Variants in RASAL1 observed in about 807,000 individuals in gnomAD.
RASAL1 encodes RAS protein activator like 1.
RASAL1 carries 72 observed loss-of-function variants against 96.6 expected under a neutral mutation model. That is an observed-to-expected ratio of 0.75 (90% CI 0.62 to 0.91). RASAL1 has a LOEUF of 0.91. RASAL1 is among the 40% of genes least tolerant of loss of function. The probability of loss-of-function intolerance (pLI) is 0.00; values close to 1 mark genes in which losing one functional copy is unlikely to be tolerated. For synonymous variants in RASAL1, 405 were observed against 430.4 expected, an observed-to-expected ratio of 0.94 and a Z score of 0.73; for missense variants, 1,016 against 1,072.5, an observed-to-expected ratio of 0.95 and a Z score of 0.74.
chr12:113,135,166 C>T lies in RASAL1; in HGVS notation c.65+232G>A, dbSNP rs935226421. Among the ~76,000 whole-genome samples, 10 of 152,178 alleles carry T rather than the reference C, an allele frequency of 6.6e-5. No individual in the cohort carries two copies. Among genetic ancestry groups the T allele is most frequent in the African/African-American group, 2.4e-4 (10 of 41,450 alleles). ...ATCCCGGGAACAAAGACACCCCCTC[C>T]CCTGCCCGGGGGTGAGGCGGGGCAT... On this transcript the variant is annotated intron_variant, in intron 1 of 20. Coordinates refer to ENST00000548055, the MANE Select transcript of RASAL1 (RefSeq NM_001301202.2). This position sits in a 1 kb window ranked among gnomAD's most constrained non-coding sequence, Gnocchi z 5.7.
intron 1 of RASAL1, among the ~76,000 whole-genome samples, chr12:113,132,742 C>T (rs1014518846): frequency 2.3e-4 from 35 of 152,280 alleles, no homozygotes; most frequent in African/African-American, 7.7e-4. Flanking sequence ...CTCCTTCCCT[C>T]ATCCCCCTCT....
chr12:113,128,015 C>A (rs951794869), intron 3 of RASAL1, 50 bp downstream of exon 3: 1 of 1,588,328 alleles, frequency 6.3e-7, no homozygotes, highest in African/African-American at 1.3e-5. Flanking sequence ...CCCTCAGGTG[C>A]CCAGGCTTGG....
In RASAL1 at chr12:113,112,096, G is replaced by A; in HGVS notation, c.1364C>T (p.Ala455Val). ...CCCATCCTGGCGCACCTGGTGCTCG[G>A]CCTGGGGGAAGCGCTCCTCCACTCG... The part of the protein sequence containing the change: ...HRRVEERFPQ[A>V]EHQDVKYLAI... The change falls in exon 13 of 21, where the codon GCC (alanine) becomes GTC (valine). Residue 455 changes from alanine to valine, a missense_variant. Ala to Val is a moderately conservative substitution (Grantham distance 64). Transcript: ENST00000548055. 1.6e-6 allele frequency: 2 copies of A among 1,242,260 alleles called. No individual in the cohort carries two copies. Among genetic ancestry groups the A allele is most frequent in the Non-Finnish European group, 1.0e-6 (1 of 989,764 alleles). 77.0% of individuals were successfully genotyped at this position (1,242,260 alleles called of 1,614,324 possible). A position where few individuals can be genotyped will look rare whatever the true frequency, so the allele number is the denominator to read the frequency against.
intron 12 of RASAL1, 97 bp downstream of exon 12, chr12:113,114,703 A>C: frequency 1.0e-6 from 1 of 988,070 alleles, no homozygotes; most frequent in South Asian, 1.4e-5. Flanking sequence ...CTGTAGCCCC[A>C]GGGTGGGTGG....
intron 8 of RASAL1, among the ~76,000 whole-genome samples, chr12:113,116,556 A>G (rs556267366): frequency 6.6e-6 from 1 of 152,294 alleles, no homozygotes; most frequent in African/African-American, 2.4e-5. Flanking sequence ...AGCTGTGAAC[A>G]GGCATAAATA....
At chr12:113,109,169 C>T (rs1950768810) in intron 13 of RASAL1, among the ~76,000 whole-genome samples, 1 of 151,902 alleles carries the variant, frequency 6.6e-6, no homozygotes, top group Non-Finnish European at 1.5e-5. Flanking sequence ...GCATAAGCCA[C>T]CTCGCCCAGC....
At chr12:113,117,218 G>A in intron 7 of RASAL1, 57 bp from the exon 8 acceptor site, 1 of 1,355,946 alleles carries the variant, frequency 7.4e-7, no homozygotes, top group East Asian at 2.5e-5. Flanking sequence ...TGCCCTGCCT[G>A]GCTCAGGTCT....
At position 113,100,673 on chromosome 12, in the gene RASAL1, A is replaced by G. The variant is rs1201266077; in HGVS notation, c.2233T>C (p.Leu745=). 1 of 1,609,030 alleles carries G rather than the reference A, an allele frequency of 6.2e-7. No individual in the cohort carries two copies. Among genetic ancestry groups the G allele is most frequent in the Non-Finnish European group, 8.5e-7 (1 of 1,176,272 alleles). The change falls in exon 20 of 21, where the codon TTA becomes CTA. Residue 745 remains leucine, a synonymous_variant. Transcript: ENST00000548055. The part of the protein sequence containing the change: ...LLGRDQLRLK[L]LEDSNMDTTL... ...GTATCCATGTTAGAATCCTCCAGTA[A>G]TTTCAGCCTGGAAGGTAAGAGGGAG...
intron 13 of RASAL1, among the ~76,000 whole-genome samples, chr12:113,111,086 C>T (rs912102286): frequency 4.0e-5 from 6 of 149,196 alleles, no homozygotes; most frequent in Admixed American, 4.0e-4. Context: ...TCCCTACCAC[C>T]CCACGCGCTG....
chr12:113,106,148 A>C (rs1242640212), intron 15 of RASAL1, among the ~76,000 whole-genome samples: 3 of 152,184 alleles, frequency 2.0e-5, no homozygotes, highest in Non-Finnish European at 4.4e-5. Context: ...GCAGGCAGCC[A>C]GCAGGGGCAG....
At chr12:113,131,094 C>A (rs1951691859) in intron 1 of RASAL1, among the ~76,000 whole-genome samples, 153 bp from the exon 2 acceptor site, 1 of 152,120 alleles carries the variant, frequency 6.6e-6, no homozygotes, top group African/African-American at 2.4e-5. Context: ...GAAGTAGAAC[C>A]TTAGGGGACC....
In RASAL1 at chr12:113,104,089, G is replaced by C. The variant is rs374846261; in HGVS notation, c.1969-8C>G. The C allele has an allele frequency of 6.4e-7, 1 of 1,574,540 alleles. No individual in the cohort carries two copies. Among genetic ancestry groups the C allele is most frequent in the South Asian group, 1.2e-5 (1 of 86,498 alleles). On this transcript the variant is annotated splice_region_variant and splice_polypyrimidine_tract_variant and intron_variant, in intron 17 of 20. Transcript: ENST00000548055. ...GTTGAGCTCATTCACATTCTGCAGC[G>C]GGTGGGAGGCGATCAGGGGGCGGGT...
At chr12:113,120,561 G>T (rs1256284318) in intron 5 of RASAL1, among the ~76,000 whole-genome samples, 2 of 152,186 alleles carry the variant, frequency 1.3e-5, no homozygotes. Context: ...TCCTAAAAAT[G>T]AGAGCTGGGG....
chr12:113,115,338 GA>G lies in RASAL1; in HGVS notation c.1004-75del. 1.4e-6 allele frequency: 2 copies of G among 1,379,628 alleles called. No homozygotes were observed. The highest frequency in any genetic ancestry group is 2.1e-6 in the Non-Finnish European group (2 of 967,344). 85.5% of individuals were successfully genotyped at this position (1,379,628 alleles called of 1,614,324 possible). ...AGCTCACCCCACTCACCCAAGGTGG[GA>G]GTCATGATTCTTCCAGCCCCAAGAA... On this transcript the variant is annotated intron_variant, in intron 10 of 20. Coordinates refer to ENST00000548055, the MANE Select transcript of RASAL1 (RefSeq NM_001301202.2). This position sits in a 1 kb window ranked among gnomAD's most constrained non-coding sequence, Gnocchi z 4.1.
chr12:113,124,392 A>G (rs1305747865), intron 4 of RASAL1, among the ~76,000 whole-genome samples: 1 of 152,012 alleles, frequency 6.6e-6, no homozygotes, highest in Non-Finnish European at 1.5e-5. Context: ...CAGCCTCCAC[A>G]TTTCCGCCAC....
At chr12:113,108,338 AC>A in intron 13 of RASAL1, 116 bp from the exon 14 acceptor site, 1 of 1,270,360 alleles carries the variant, frequency 7.9e-7, no homozygotes, top group Non-Finnish European at 1.1e-6. Flanking sequence ...TGGGGAATTG[AC>A]CAGGAAGCCA....
chr12:113,104,183 T>A lies in RASAL1; in HGVS notation c.1946A>T (p.His649Leu), dbSNP rs1950563822. 3.7e-6 allele frequency: 6 copies of A among 1,611,586 alleles called. No individual in the cohort carries two copies. In the East Asian group the frequency reaches 1.3e-4, roughly 36 times the overall value. Residue 649 changes from histidine to leucine, a missense_variant, in exon 17 of 21, where the codon CAC becomes CTC. By Grantham distance (99) the His-to-Leu change is moderately conservative. Transcript: ENST00000548055. ...CACCTTGCACTGGAGGTAGGTGGTG[T>A]GCAGCGCCCCCGTGCCGTCCTGCGT... ...VVTQDGTGAL[H>L]TTYLQCKNVN... is the part of the protein sequence containing the mutation.
chr12:113,108,425 C>G (rs987195591), intron 13 of RASAL1, among the ~76,000 whole-genome samples: 1 of 152,216 alleles, frequency 6.6e-6, no homozygotes, highest in Admixed American at 6.5e-5. Flanking sequence ...CAAAACCAAT[C>G]CTACAAAAGC....
chr12:113,102,993 A>C (rs1056555808), intron 18 of RASAL1: 1 of 239,294 alleles, frequency 4.2e-6, no homozygotes, highest in African/African-American at 2.3e-5. Context: ...TACTCAGGTC[A>C]CATTTAAGCA....
Sources: gnomAD v4.1 joint callset for allele counts (sites outside exome capture counted in the v4.1 genomes callset) on GRCh38, gnomAD v4.1.1 for gene constraint, Gnocchi (gnomAD v3.1) non-coding constraint, MANE v1.5 for transcripts, NCBI Gene and HGNC (gene_info 2026-07-23, HGNC 2026-07-21) for gene names.